The following WDR27 variants were observed in gnomAD, a reference collection of about 807,000 sequenced individuals.
WDR27 encodes the protein WD repeat domain 27.
In WDR27, 100 loss-of-function variants were observed where a neutral mutation model predicts 114.4. The observed-to-expected ratio is 0.87, with a 90% CI of 0.74 to 1.03. The LOEUF is 1.03. Ranked by LOEUF, WDR27 falls within the 50% of genes least tolerant of loss-of-function variation. The pLI, the probability that WDR27 is intolerant of heterozygous loss-of-function variation, is 0.00. For missense variants in WDR27, 1,129 were observed against 1,092.9 expected (o/e 1.03, Z -0.47); for synonymous variants, 449 against 423.1 (o/e 1.06, Z -0.75).
chr6:169,634,061 T>C (rs1727202017), intron 20 of WDR27, among the ~76,000 whole-genome samples: 1 of 152,200 alleles, frequency 6.6e-6, no homozygotes, highest in Non-Finnish European at 1.5e-5. Context: ...TGGGATTCCA[T>C]TTCATATTAT....
At chr6:169,580,582 C>A (rs1803200026) in intron 24 of WDR27, among the ~76,000 whole-genome samples, 2 of 152,208 alleles carry the variant, frequency 1.3e-5, no homozygotes, top group African/African-American at 4.8e-5. Flanking sequence ...TTAACAAAAA[C>A]TTGTCCTGCC....
At chr6:169,520,964 A>C (rs926932952) in intron 25 of WDR27, among the ~76,000 whole-genome samples, 2 of 152,204 alleles carry the variant, frequency 1.3e-5, no homozygotes, top group Non-Finnish European at 2.9e-5. Flanking sequence ...GGAGGTAGAA[A>C]GCTTATTCAA....
rs1821616273 is a variant in WDR27 at position 169,649,249 on chromosome 6, T to C, written c.1508A>G (p.Asn503Ser). The C allele has an allele frequency of 2.5e-6, 4 of 1,576,216 alleles. No homozygotes were observed. The Admixed American group carries it at 5.5e-5, about 22-fold the overall frequency. ...PHVTMFSPKT[N>S]IKSEGKGSSR... is the part of the protein sequence containing the mutation. Reference sequence around the variant, plus strand: ...AGATCCTTTCCCCTCACTCTTGATGTTGGTCTTTGGTGAAAACATAGTTAC... The same window carrying C: ...AGATCCTTTCCCCTCACTCTTGATGCTGGTCTTTGGTGAAAACATAGTTAC... Residue 503 changes from asparagine to serine, a missense_variant, in exon 15 of 26, where the codon AAC becomes AGC. Physicochemically the swap from Asn to Ser is conservative, Grantham distance 46. Transcript: ENST00000448612.
rs180874711 is a variant in WDR27, at chr6:169,521,123, A to G, written c.2645+51296T>C. Among the ~76,000 whole-genome samples the G allele has an allele frequency of 1.6e-4, 25 of 152,300 alleles. No individual in the cohort carries two copies. In the East Asian group the frequency reaches 4.4e-3, roughly 27 times the overall value. ...ACTCTTAAACCTCAAGGAAAGAGAG[A>G]TAATCCTAAAAGCAGCAAGAGAAAA... On this transcript the variant is annotated intron_variant, in intron 25 of 25. Transcript: ENST00000448612.
intron 25 of WDR27, among the ~76,000 whole-genome samples, chr6:169,551,733 A>G: frequency 1.3e-5 from 1 of 78,976 alleles, no homozygotes; most frequent in Non-Finnish European, 2.5e-5. Flanking sequence ...GCGAGACTCC[A>G]TCTCAAAAAA....
At chr6:169,570,464 G>A (rs887934401) in intron 25 of WDR27, among the ~76,000 whole-genome samples, 4 of 152,190 alleles carry the variant, frequency 2.6e-5, no homozygotes, top group African/African-American at 9.6e-5. Flanking sequence ...AGGAATACTT[G>A]CAGTAAATCA....
intron 6 of WDR27, chr6:169,666,362 A>G (rs191353167): frequency 2.0e-6 from 2 of 982,228 alleles, no homozygotes; most frequent in African/African-American, 1.7e-5. Context: ...CAATAACTCT[A>G]CCAGGTCACC....
intron 19 of WDR27, 78 bp downstream of exon 19, chr6:169,636,293 G>A: frequency 6.5e-7 from 1 of 1,539,050 alleles, no homozygotes. Context: ...ATTTTAAAAT[G>A]TAAATACCTT....
At chr6:169,429,445 T>TC in the WDR27 span, among the ~76,000 whole-genome samples, 6 of 151,468 alleles carry the variant, frequency 4.0e-5, no homozygotes, top group Non-Finnish European at 7.4e-5. Flanking sequence ...TTTTTTTTTT[T>TC]CCCAACTGAG....
intron 25 of WDR27, among the ~76,000 whole-genome samples, chr6:169,489,832 G>A (rs550200914): frequency 6.6e-6 from 1 of 152,284 alleles, no homozygotes; most frequent in South Asian, 2.1e-4. Flanking sequence ...TCTAATCCAG[G>A]ATAAATATTT....
chr6:169,660,570 C>T lies in WDR27; in HGVS notation c.1129+93G>A, dbSNP rs555772568. 2.2e-4 allele frequency: 227 copies of T among 1,033,418 alleles called. 1 individual carries two copies. Among genetic ancestry groups the T allele is most frequent in the East Asian group, 1.0e-3 (42 of 41,644 alleles). 64.0% of individuals were successfully genotyped at this position (1,033,418 alleles called of 1,614,324 possible). On this transcript the variant is annotated intron_variant, in intron 10 of 25. Coordinates refer to ENST00000448612, the MANE Select transcript of WDR27 (RefSeq NM_182552.5). ...GAAGCATCTCATCCTCAGATTCACA[C>T]GGCAAGGCCTTCTCCACAAACACTT...
chr6:169,648,517 G>GT (rs1417503820), intron 15 of WDR27, among the ~76,000 whole-genome samples: 1 of 152,250 alleles, frequency 6.6e-6, no homozygotes, highest in Non-Finnish European at 1.5e-5. Context: ...AAGCACGTGC[G>GT]TAATATCAGG....
At chr6:169,538,288 C>G (rs1431330628) in intron 25 of WDR27, among the ~76,000 whole-genome samples, 1 of 152,146 alleles carries the variant, frequency 6.6e-6, no homozygotes, top group Non-Finnish European at 1.5e-5. Flanking sequence ...GATGATCCTT[C>G]AGTCTGCTTA....
chr6:169,557,268 A>G (rs73792943), intron 25 of WDR27, among the ~76,000 whole-genome samples: 2,466 of 152,378 alleles, frequency 0.016, 63 homozygotes, highest in African/African-American at 0.057. Flanking sequence ...ATCATTACAC[A>G]GAGGCCAAGC....
intron 25 of WDR27, among the ~76,000 whole-genome samples, chr6:169,512,844 C>T (rs1182913013): frequency 1.3e-5 from 2 of 152,050 alleles, no homozygotes; most frequent in Non-Finnish European, 2.9e-5. Flanking sequence ...GCAGTGTTTT[C>T]ATGTTAAAAG....
chr6:169,619,677 T>C (rs1475544282), intron 21 of WDR27, among the ~76,000 whole-genome samples: 1 of 152,142 alleles, frequency 6.6e-6, no homozygotes, highest in African/African-American at 2.4e-5. Context: ...AGACCTGGGA[T>C]CAATAGAAAG....
chr6:169,598,147 T>G (rs1807216985), intron 23 of WDR27, among the ~76,000 whole-genome samples: 1 of 152,212 alleles, frequency 6.6e-6, no homozygotes. Flanking sequence ...GAATGTGATC[T>G]TATTTGGAAA....
At chr6:169,697,123 G>T (rs183439340) in intron 1 of WDR27, among the ~76,000 whole-genome samples, 83 of 152,200 alleles carry the variant, frequency 5.5e-4, no homozygotes, top group African/African-American at 2.0e-3. Context: ...GATTACATAT[G>T]AATATCATTA....
At position 169,632,953 on chromosome 6, in the gene WDR27, T is replaced by G. The variant is rs200687300; in HGVS notation, c.2217A>C (p.Gln739His). 1.7e-4 allele frequency: 273 copies of G among 1,583,100 alleles called. No individual in the cohort carries two copies. The highest frequency in any genetic ancestry group is 2.3e-4 in the Non-Finnish European group (265 of 1,156,416). ...TATCCAAAAACTTACTCACTTTATT[T>G]TGGCAGATTTGATGGACAGGCCGTG... is the stretch of plus-strand genomic sequence containing the variant. Reference protein sequence around the residue: ...AHSRPVHQICQNKGSSFTTQQ... With the variant: ...AHSRPVHQICHNKGSSFTTQQ... Residue 739 changes from glutamine to histidine, a missense_variant, in exon 21 of 26, where the codon CAA becomes CAC. Physicochemically the swap from Gln to His is conservative, Grantham distance 24 (BLOSUM62 0). Coordinates refer to ENST00000448612, the MANE Select transcript of WDR27 (RefSeq NM_182552.5).
Sources: gnomAD v4.1 joint callset for allele counts (sites outside exome capture counted in the v4.1 genomes callset) on GRCh38, gnomAD v4.1.1 for gene constraint, MANE v1.5 for transcripts, NCBI Gene and HGNC (gene_info 2026-07-23, HGNC 2026-07-21) for gene names.